Variants in PXK observed in about 807,000 individuals in gnomAD.
The protein encoded by PXK is PX domain-containing protein kinase-like protein.
PXK carries 35 observed loss-of-function variants against 84.7 expected under a neutral mutation model. The observed-to-expected ratio is 0.41, with a 90% CI of 0.32 to 0.55. PXK has a LOEUF of 0.55. Ranked by LOEUF, PXK falls within the 20% of genes least tolerant of loss-of-function variation. PXK has a pLI of 0.21. For missense variants in PXK, 634 were observed against 699.7 expected (o/e 0.91, Z 1.06); for synonymous variants, 253 against 260.8 (o/e 0.97, Z 0.29).
rs1165568205 is a variant in PXK, at chr3:58,333,771, A to G, written c.102+681A>G. 2.5e-6 allele frequency: 1 copy of G among 393,014 alleles called. No individual in the cohort carries two copies. 24.3% of individuals were successfully genotyped at this position (393,014 alleles called of 1,614,324 possible). A position where few individuals can be genotyped will look rare whatever the true frequency, so the allele number is the denominator to read the frequency against. Reference sequence around the variant, plus strand: ...GTTTAAAATCCACTCGAGTAGCATAAAGGAGTAATAGGTCCTCATAGTAAA... The same window carrying G: ...GTTTAAAATCCACTCGAGTAGCATAGAGGAGTAATAGGTCCTCATAGTAAA... On this transcript the variant is annotated intron_variant, in intron 1 of 17. Coordinates refer to ENST00000356151, the MANE Select transcript of PXK (RefSeq NM_017771.5). This position sits in a 1 kb window ranked among gnomAD's most constrained non-coding sequence, Gnocchi z 5.4.
At chr3:58,423,474 G>C in intron 17 of PXK, 2 of 1,532,182 alleles carry the variant, frequency 1.3e-6, no homozygotes, top group African/African-American at 1.4e-5. Flanking sequence ...CCTTAGGTTT[G>C]AGTAAAAGAT....
In PXK at chr3:58,369,460, G is replaced by A; in HGVS notation, c.183G>A (p.Leu61=). 6.2e-7 allele frequency: 1 copy of A among 1,610,148 alleles called. No individual in the cohort carries two copies. Among genetic ancestry groups the A allele is most frequent in the Non-Finnish European group, 8.5e-7 (1 of 1,176,710 alleles). Residue 61 remains leucine, a synonymous_variant, in exon 3 of 18, where the codon TTG becomes TTA. Transcript: ENST00000356151. ...TTAGAAGATACAGTGACTTTGATTT[G>A]CTTAACAACAGCTTACAGGTAAATG... ...QIVRRYSDFD[L]LNNSLQIAGL...
At position 58,397,731 on chromosome 3, in the gene PXK, G is replaced by A; in HGVS notation, c.1102+9G>A. 1.9e-6 allele frequency: 3 copies of A among 1,605,894 alleles called. No individual in the cohort carries two copies. The highest frequency in any genetic ancestry group is 2.6e-6 in the Non-Finnish European group (3 of 1,172,672). ...CCCGTCCATGGCTGTGGGTCAGTAT[G>A]GGGTTGGGAAGGGTCTTCTGGGCCC... On this transcript the variant is annotated intron_variant, in intron 11 of 17. Transcript: ENST00000356151. The surrounding 1 kb of genome is among the most constrained non-coding windows in gnomAD (Gnocchi z 4.7).
At position 58,397,094 on chromosome 3, in the gene PXK, A is replaced by G. The variant is rs748790860; in HGVS notation, c.878A>G (p.Asn293Ser). Residue 293 changes from asparagine (N) to serine (S), a missense_variant, in exon 10 of 18, where the codon AAT becomes AGT. Asn to Ser is a conservative substitution (Grantham distance 46, BLOSUM62 1). Transcript: ENST00000356151. This position sits in a 1 kb window ranked among gnomAD's most constrained non-coding sequence, Gnocchi z 4.7. ...CCTTATGGGCATCTTCACGCCTCCAATGTGATGCTCGATGGGGACACTTGC... is the reference window on the plus strand; with the variant it reads ...CCTTATGGGCATCTTCACGCCTCCAGTGTGATGCTCGATGGGGACACTTGC... The part of the protein sequence containing the change: ...GFPYGHLHAS[N>S]VMLDGDTCRL... 14 of 1,614,168 alleles carry G rather than the reference A, an allele frequency of 8.7e-6. 1 individual carries two copies. Among genetic ancestry groups the G allele is most frequent in the South Asian group, 4.4e-5 (4 of 91,088 alleles).
chr3:58,423,010 G>A (rs1169111257), intron 17 of PXK: 21 of 985,222 alleles, frequency 2.1e-5, no homozygotes, highest in Non-Finnish European at 2.3e-5. Context: ...GGGTGGGAGG[G>A]TGCTGGGGAA....
rs1381211202 is a variant in PXK at position 58,390,023 on chromosome 3, A to G, written c.389-559A>G. ...TCAAAAAAAAAAAAAAAAAAAAAAA[A>G]ACAATTTAGCCAGGCGTGATGGCCC... is the stretch of plus-strand genomic sequence containing the variant. On this transcript the variant is annotated intron_variant, in intron 4 of 17. Coordinates refer to ENST00000356151, the MANE Select transcript of PXK (RefSeq NM_017771.5). The surrounding 1 kb of genome is among the most constrained non-coding windows in gnomAD (Gnocchi z 4.2). Among the ~76,000 whole-genome samples the G allele has an allele frequency of 6.7e-6, 1 of 149,352 alleles. No individual in the cohort carries two copies.
At position 58,421,441 on chromosome 3, in the gene PXK, C is replaced by A; in HGVS notation, c.1529-3311C>A. ...ACTAAAAATACAAAAATTAGGTGGG[C>A]ATGGTACCACGCGCCTGTAATCCCA... On this transcript the variant is annotated intron_variant, in intron 17 of 17. Transcript: ENST00000356151. This position sits in a 1 kb window ranked among gnomAD's most constrained non-coding sequence, Gnocchi z 5.5. The A allele has an allele frequency of 2.6e-6, 2 of 773,170 alleles. No individual in the cohort carries two copies. Among genetic ancestry groups the A allele is most frequent in the Non-Finnish European group, 3.1e-6 (2 of 636,210 alleles). The allele number at this position is 773,170 out of a possible 1,614,324, so 47.9% of individuals were successfully genotyped here. A position where few individuals can be genotyped will look rare whatever the true frequency, so the allele number is the denominator to read the frequency against.
At position 58,409,062 on chromosome 3, in the gene PXK, T is replaced by C. The variant is rs754558527; in HGVS notation, c.1308+61T>C. The C allele has an allele frequency of 3.1e-6, 4 of 1,285,486 alleles. No individual in the cohort carries two copies. The highest frequency in any genetic ancestry group is 4.5e-6 in the Non-Finnish European group (4 of 892,354). 79.6% of individuals were successfully genotyped at this position (1,285,486 alleles called of 1,614,324 possible). ...TCCCCATCCTCTGCCGTGGTTTTTA[T>C]AGTGATTGACCTTTGACTGTTCCCT... On this transcript the variant is annotated intron_variant, in intron 14 of 17. Transcript: ENST00000356151. The surrounding 1 kb of genome is among the most constrained non-coding windows in gnomAD (Gnocchi z 4.2).
intron 1 of PXK, among the ~76,000 whole-genome samples, chr3:58,361,435 A>C (rs1017297094): frequency 6.6e-6 from 1 of 152,062 alleles, no homozygotes; most frequent in Non-Finnish European, 1.5e-5. Context: ...GATAGAGAAC[A>C]CTTCCATTAT....
intron 1 of PXK, among the ~76,000 whole-genome samples, chr3:58,339,418 C>T (rs112449546): frequency 0.046 from 6,971 of 151,688 alleles, 565 homozygotes; most frequent in African/African-American, 0.16. Context: ...TTAGTAGAGA[C>T]GGGGTTTTAC....
rs754186009 is a variant in PXK at position 58,409,041 on chromosome 3, C to T, written c.1308+40C>T. On this transcript the variant is annotated intron_variant, in intron 14 of 17. Transcript: ENST00000356151. This position sits in a 1 kb window ranked among gnomAD's most constrained non-coding sequence, Gnocchi z 4.2. Reference sequence around the variant, plus strand: ...GTTCCTCTTTGCCTTTTAGTGTCCCCATCCTCTGCCGTGGTTTTTATAGTG... The same window carrying T: ...GTTCCTCTTTGCCTTTTAGTGTCCCTATCCTCTGCCGTGGTTTTTATAGTG... 29 of 1,437,600 alleles carry T rather than the reference C, an allele frequency of 2.0e-5. No individual in the cohort carries two copies. The highest frequency in any genetic ancestry group is 1.8e-5 in the Admixed American group (1 of 56,652). 89.1% of individuals were successfully genotyped at this position (1,437,600 alleles called of 1,614,324 possible).
At position 58,401,500 on chromosome 3, in the gene PXK, G is replaced by C. The variant is rs528947056; in HGVS notation, c.1181+2123G>C. Among the ~76,000 whole-genome samples, 8 of 152,122 alleles carry C rather than the reference G, an allele frequency of 5.3e-5. No individual in the cohort carries two copies. In the South Asian group the frequency reaches 1.7e-3, roughly 32 times the overall value. On this transcript the variant is annotated intron_variant, in intron 12 of 17. Coordinates refer to ENST00000356151, the MANE Select transcript of PXK (RefSeq NM_017771.5). The surrounding 1 kb of genome is among the most constrained non-coding windows in gnomAD (Gnocchi z 4.4). Reference sequence around the variant, plus strand: ...AGCTAGGCGTGGTGGTGTGCACCAAGTAATAATCCCAGCTACTTGGAAGGC... The same window carrying C: ...AGCTAGGCGTGGTGGTGTGCACCAACTAATAATCCCAGCTACTTGGAAGGC...
At chr3:58,389,625 C>G (rs1202857290) in intron 4 of PXK, among the ~76,000 whole-genome samples, 1 of 151,516 alleles carries the variant, frequency 6.6e-6, no homozygotes. Flanking sequence ...AGTTTGAGAC[C>G]AGCCTGGGTG....
At chr3:58,386,215 G>T (rs2098549237) in intron 4 of PXK, among the ~76,000 whole-genome samples, 1 of 150,964 alleles carries the variant, frequency 6.6e-6, no homozygotes, top group South Asian at 2.1e-4. Context: ...GCCAGCTGTT[G>T]TGCAGGGAAA....
In PXK at chr3:58,426,002, T is replaced by G. The variant is rs1193637836; in HGVS notation, c.*1042T>G. 6.6e-6 allele frequency: 1 copy of G among 152,246 alleles called. No homozygotes were observed. The highest frequency in any genetic ancestry group is 1.5e-5 in the Non-Finnish European group (1 of 68,044). 9.4% of individuals were successfully genotyped at this position (152,246 alleles called of 1,614,324 possible). A position where few individuals can be genotyped will look rare whatever the true frequency, so the allele number is the denominator to read the frequency against. On this transcript the variant is annotated 3_prime_UTR_variant, in exon 18 of 18. Transcript: ENST00000356151. ...AATCTGTTATGTCAGCTGTATTTTT[T>G]ATTAAAATCATGTCAAGAAAACGTG...
chr3:58,389,160 AG>A (rs1206048190), intron 4 of PXK, among the ~76,000 whole-genome samples: 1 of 152,186 alleles, frequency 6.6e-6, no homozygotes, highest in Admixed American at 6.5e-5. Context: ...GAACAGAAAA[AG>A]AGGATGGATT....
chr3:58,413,075 T>G, intron 17 of PXK, 112 bp downstream of exon 17: 2 of 1,186,966 alleles, frequency 1.7e-6, no homozygotes. Flanking sequence ...AGCAGCAGCT[T>G]TCTCAAGAGA....
chr3:58,337,926 G>A (rs2097652648), intron 1 of PXK, among the ~76,000 whole-genome samples: 1 of 152,156 alleles, frequency 6.6e-6, no homozygotes, highest in Admixed American at 6.5e-5. Flanking sequence ...CAAATTAGGA[G>A]ACATTGCTGC....
chr3:58,336,071 A>ATATATT (rs1284780630), intron 1 of PXK, among the ~76,000 whole-genome samples: 33 of 51,584 alleles, frequency 6.4e-4, no homozygotes, highest in Non-Finnish European at 9.5e-4. Context: ...ATATATATAT[A>ATATATT]TTTTTTTTTT....
Sources: gnomAD v4.1 joint callset for allele counts (sites outside exome capture counted in the v4.1 genomes callset) on GRCh38, gnomAD v4.1.1 for gene constraint, Gnocchi (gnomAD v3.1) non-coding constraint, MANE v1.5 for transcripts, NCBI Gene and HGNC (gene_info 2026-07-23, HGNC 2026-07-21) for gene names.